CLCN7: variants seen among roughly 807,000 people sequenced by gnomAD.
The protein encoded by CLCN7 is H(+)/Cl(-) exchange transporter 7.
Under a neutral mutation model 102.1 loss-of-function variants are expected in CLCN7, and 60 were observed. The observed-to-expected ratio is 0.59, with a 90% CI of 0.48 to 0.73. The LOEUF (loss-of-function observed/expected upper bound fraction) is 0.73. Among genes scored for constraint, CLCN7 ranks in the 30% least tolerant of loss-of-function variants. CLCN7 has a pLI of 0.00. For missense variants in CLCN7, 962 were observed against 1,125.7 expected, an observed-to-expected ratio of 0.85 and a Z score of 2.08; for synonymous variants, 560 against 490.5, an observed-to-expected ratio of 1.14 and a Z score of -1.87.
In CLCN7 at chr16:1,460,445, C is replaced by T. The variant is rs759326446; in HGVS notation, c.567G>A (p.Val189=). 6.2e-7 allele frequency: 1 copy of T among 1,613,698 alleles called. No homozygotes were observed. The highest frequency in any genetic ancestry group is 8.5e-7 in the Non-Finnish European group (1 of 1,179,864). ...WATLNAAFVL[V]GSVIVAFIEP... is the part of the protein sequence containing the mutation. ...CTATGAAAGCCACAATCACAGAGCC[C>T]ACGAGCACGAAGGCGGCGTTCAGCG... The change falls in exon 6 of 25, where the codon GTG becomes GTA. Residue 189 remains valine (V), a synonymous_variant. Transcript: ENST00000382745.
Position 1,452,770 on chromosome 16 carries a change from C to T in CLCN7, c.1338G>A (p.Met446Ile). 1.2e-6 allele frequency: 2 copies of T among 1,603,912 alleles called. No individual in the cohort carries two copies. The highest frequency in any genetic ancestry group is 1.7e-6 in the Non-Finnish European group (2 of 1,175,876). The change falls in exon 15 of 25, where the codon ATG becomes ATA. Residue 446 changes from methionine (M) to isoleucine (I), a missense_variant. Coordinates refer to ENST00000382745, the MANE Select transcript of CLCN7 (RefSeq NM_001287.6). The stretch of plus-strand genomic sequence containing the variant: ...AGCCTCCCACCTGCAGCGGGTAGGA[C>T]ATGGAGCCCCCCTGCAGGGGCTGGC... ...RDCQPLQGGS[M>I]SYPLQLFCAD...
chr16:1,466,048 CGA>C (rs2039000482), intron 1 of CLCN7, among the ~76,000 whole-genome samples: 1 of 152,238 alleles, frequency 6.6e-6, no homozygotes, highest in African/African-American at 2.4e-5. Flanking sequence ...CCTTTGGAGA[CGA>C]CTCCAATTTC....
intron 2 of CLCN7, among the ~76,000 whole-genome samples, chr16:1,464,424 C>T (rs1213213463): frequency 6.6e-6 from 1 of 152,252 alleles, no homozygotes; most frequent in Non-Finnish European, 1.5e-5. Flanking sequence ...AAGGCGCCCA[C>T]GGCCACGAAA....
intron 2 of CLCN7, among the ~76,000 whole-genome samples, chr16:1,462,365 CTTTTTTTTTT>C (rs59931924): frequency 2.5e-5 from 2 of 80,612 alleles, no homozygotes; most frequent in South Asian, 5.3e-4. Context: ...CCTCATCTGT[CTTTTTTTTTT>C]TTTTTTTTTT....
intron 6 of CLCN7, among the ~76,000 whole-genome samples, chr16:1,460,172 T>G (rs1200801636): frequency 2.0e-5 from 3 of 147,758 alleles, no homozygotes; most frequent in South Asian, 2.2e-4. Context: ...AGGGGCGGAG[T>G]GGGGTGAGGG....
Position 1,446,999 on chromosome 16 carries a change from C to T in CLCN7, c.2331+7G>A, listed in dbSNP as rs199721463. 2.2e-5 allele frequency: 34 copies of T among 1,579,878 alleles called. No homozygotes were observed. The highest frequency in any genetic ancestry group is 8.8e-5 in the Admixed American group (5 of 56,852). ...GGCATGCCTGCACCCCCACCGCCCC[C>T]GCTCACCTGATTGCGGTTGTCCACC... On this transcript the variant is annotated splice_region_variant and intron_variant, in intron 24 of 24. Transcript: ENST00000382745.
At chr16:1,464,794 G>A (rs569805269) in intron 2 of CLCN7, among the ~76,000 whole-genome samples, 1 of 152,238 alleles carries the variant, frequency 6.6e-6, no homozygotes, top group Non-Finnish European at 1.5e-5. Flanking sequence ...CTCACCAGCG[G>A]CTGGGGGAAA....
rs1027567904 is a variant in CLCN7 at position 1,447,144 on chromosome 16, T to C, written c.2251-58A>G. The C allele has an allele frequency of 1.3e-5, 19 of 1,483,082 alleles. No homozygotes were observed. The Admixed American group carries it at 2.3e-4, about 18-fold the overall frequency. The allele number at this position is 1,483,082 out of a possible 1,614,324, so 91.9% of individuals were successfully genotyped here. On this transcript the variant is annotated intron_variant, in intron 23 of 24. Transcript: ENST00000382745. ...CACACAGCAGAGGCAGGCGGGACCC[T>C]CACCCAAGCTGGCTCCCTGCACCCC...
chr16:1,452,516 A>G (rs1486242862), intron 15 of CLCN7: 1 of 557,462 alleles, frequency 1.8e-6, no homozygotes, highest in East Asian at 3.0e-5. Flanking sequence ...TTCTGGGAAG[A>G]GGACTGGGGG....
At chr16:1,469,775 C>G in intron 1 of CLCN7, among the ~76,000 whole-genome samples, 1 of 152,382 alleles carries the variant, frequency 6.6e-6, no homozygotes, top group Non-Finnish European at 1.5e-5. Flanking sequence ...GCCATGTTCA[C>G]AGCAGCACCG....
In CLCN7 at chr16:1,448,704, G is replaced by C. The variant is rs2038694024; in HGVS notation, c.1860C>G (p.Val620=). 6.2e-7 allele frequency: 1 copy of C among 1,612,546 alleles called. No homozygotes were observed. Among genetic ancestry groups the C allele is most frequent in the Non-Finnish European group, 8.5e-7 (1 of 1,179,958 alleles). Residue 620 remains valine (V), a synonymous_variant, in exon 20 of 25, where the codon GTC becomes GTG. Coordinates refer to ENST00000382745, the MANE Select transcript of CLCN7 (RefSeq NM_001287.6). ...SVPFLHWEAP[V]TSHSLTAREV... ...ACCTGGCAGTGAGTGAGTGTGAGGT[G>C]ACCGGGGCCTCCCAGTGCAGGAAGG... is the stretch of plus-strand genomic sequence containing the variant.
chr16:1,446,967 C>T, intron 24 of CLCN7, 39 bp downstream of exon 24: 1 of 1,520,146 alleles, frequency 6.6e-7, no homozygotes, highest in Non-Finnish European at 8.9e-7. Context: ...AGAGGGGAGC[C>T]CTGCACGGCA....
intron 13 of CLCN7, 55 bp from the exon 14 acceptor site, chr16:1,453,949 G>A (rs999781017): frequency 1.2e-5 from 18 of 1,548,874 alleles, no homozygotes; most frequent in East Asian, 7.1e-5. Flanking sequence ...GCGGGCCTCC[G>A]CCCGCCGGCT....
At chr16:1,470,915 C>A (rs1206307809) in intron 1 of CLCN7, among the ~76,000 whole-genome samples, 1 of 152,216 alleles carries the variant, frequency 6.6e-6, no homozygotes, top group Non-Finnish European at 1.5e-5. Flanking sequence ...CAAATACCCA[C>A]CTCCCCTCAC....
chr16:1,449,376 CCCA>C, intron 17 of CLCN7, 49 bp from the exon 18 acceptor site: 2 of 1,548,194 alleles, frequency 1.3e-6, no homozygotes, highest in Non-Finnish European at 1.8e-6. Flanking sequence ...CAGGCCCAAA[CCCA>C]CCAAGATACA....
chr16:1,454,034 G>A (rs545458254), intron 13 of CLCN7, 140 bp from the exon 14 acceptor site: 14 of 789,666 alleles, frequency 1.8e-5, no homozygotes, highest in African/African-American at 1.5e-4. Context: ...CTGGTAAGAT[G>A]CTTCCTCCAC....
chr16:1,474,570 A>C (rs1031460893), intron 1 of CLCN7, among the ~76,000 whole-genome samples: 1 of 152,100 alleles, frequency 6.6e-6, no homozygotes, highest in African/African-American at 2.4e-5. Flanking sequence ...TCAGCGCCCC[A>C]CATTCCGCGG....
chr16:1,453,302 C>T (rs893171628), intron 14 of CLCN7, among the ~76,000 whole-genome samples: 14 of 152,270 alleles, frequency 9.2e-5, no homozygotes, highest in South Asian at 2.1e-4. Context: ...CGTGAGGCAC[C>T]GCGCCCGGCC....
At position 1,465,290 on chromosome 16, in the gene CLCN7, G is replaced by A. The variant is rs2142396124; in HGVS notation, c.190C>T (p.Leu64=). 1 of 1,613,872 alleles carries A rather than the reference G, an allele frequency of 6.2e-7. No individual in the cohort carries two copies. Among genetic ancestry groups the A allele is most frequent in the African/African-American group, 1.3e-5 (1 of 75,056 alleles). The change falls in exon 2 of 25, where the codon CTG becomes TTG. Residue 64 remains leucine, a synonymous_variant. Coordinates refer to ENST00000382745, the MANE Select transcript of CLCN7 (RefSeq NM_001287.6). ...ACCGGGTCCAAAAGTTCATCATCCAGCTCCACGCTGCTCATATGTCCGACT... is the reference window on the plus strand; with the variant it reads ...ACCGGGTCCAAAAGTTCATCATCCAACTCCACGCTGCTCATATGTCCGACT... ...FRVGHMSSVE[L]DDELLDPDMD...
Sources: gnomAD v4.1 joint callset for allele counts (sites outside exome capture counted in the v4.1 genomes callset) on GRCh38, gnomAD v4.1.1 for gene constraint, MANE v1.5 for transcripts, NCBI Gene and HGNC (gene_info 2026-07-23, HGNC 2026-07-21) for gene names.